Variants in TSPAN14 observed in about 807,000 individuals in gnomAD.
The protein encoded by TSPAN14 is tetraspanin 14.
TSPAN14 carries 16 observed loss-of-function variants against 36.6 expected under a neutral mutation model. That is an observed-to-expected ratio of 0.44 (90% CI 0.30 to 0.66). The LOEUF is 0.66. TSPAN14 is among the 30% of genes least tolerant of loss of function. The pLI, the probability that TSPAN14 is intolerant of heterozygous loss-of-function variation, is 0.12. For missense variants in TSPAN14, 231 were observed against 355.1 expected (o/e 0.65, Z 2.81); for synonymous variants, 139 against 143.8 (o/e 0.97, Z 0.24).
chr10:80,497,850 A>G (rs1420988920), intron 2 of TSPAN14, among the ~76,000 whole-genome samples: 1 of 149,908 alleles, frequency 6.7e-6, no homozygotes, highest in Non-Finnish European at 1.5e-5. Flanking sequence ...CTCTGCTGGG[A>G]GGGCACATGT....
chr10:80,488,564 G>A (rs1434706722), intron 1 of TSPAN14, among the ~76,000 whole-genome samples: 2 of 152,312 alleles, frequency 1.3e-5, no homozygotes, highest in East Asian at 3.9e-4. Flanking sequence ...GGGAGCAGGG[G>A]GATGGCTGCT....
chr10:80,500,132 C>G (rs1019653627), intron 2 of TSPAN14, among the ~76,000 whole-genome samples: 1 of 152,088 alleles, frequency 6.6e-6, no homozygotes, highest in African/African-American at 2.4e-5. Flanking sequence ...CTTCCCCTGT[C>G]TAGTCCTCCC....
chr10:80,502,233 G>A (rs1169099372), intron 2 of TSPAN14, among the ~76,000 whole-genome samples: 1 of 152,224 alleles, frequency 6.6e-6, no homozygotes, highest in African/African-American at 2.4e-5. Context: ...GTTGGAGCAG[G>A]GAGGTGGGAA....
chr10:80,456,790 T>C (rs753532494), intron 1 of TSPAN14, among the ~76,000 whole-genome samples: 6 of 152,204 alleles, frequency 3.9e-5, no homozygotes, highest in Non-Finnish European at 7.3e-5. Context: ...TGGCTGGGCG[T>C]GATGGCTCAT....
At chr10:80,456,456 C>T (rs1386759774) in intron 1 of TSPAN14, among the ~76,000 whole-genome samples, 1 of 152,158 alleles carries the variant, frequency 6.6e-6, no homozygotes, top group Non-Finnish European at 1.5e-5. Flanking sequence ...GATGGCTCTG[C>T]CCTGAAGGTT....
At chr10:80,482,056 A>G (rs1847308824) in intron 1 of TSPAN14, among the ~76,000 whole-genome samples, 1 of 152,162 alleles carries the variant, frequency 6.6e-6, no homozygotes, top group Non-Finnish European at 1.5e-5. Context: ...CTCAGCCTAC[A>G]TGCAGACAGT....
exon 9 of TSPAN14, chr10:80,521,068 C>T (rs1841244696): frequency 3.1e-6 from 1 of 319,266 alleles, no homozygotes; most frequent in South Asian, 2.6e-5. Flanking sequence ...TTAATGGATG[C>T]ACAACCTTCC....
chr10:80,498,674 T>C (rs745746256), intron 2 of TSPAN14, among the ~76,000 whole-genome samples: 3 of 152,204 alleles, frequency 2.0e-5, no homozygotes, highest in African/African-American at 4.8e-5. Flanking sequence ...TGGCATATCC[T>C]TGAACGCCCC....
At chr10:80,464,504 A>G (rs1030195817) in intron 1 of TSPAN14, among the ~76,000 whole-genome samples, 3 of 152,136 alleles carry the variant, frequency 2.0e-5, no homozygotes, top group African/African-American at 4.8e-5. Flanking sequence ...TCACTGCCCC[A>G]TGCCAGGGCA....
At chr10:80,476,001 T>C (rs2131982943) in intron 1 of TSPAN14, among the ~76,000 whole-genome samples, 1 of 152,320 alleles carries the variant, frequency 6.6e-6, no homozygotes, top group South Asian at 2.1e-4. Context: ...TAAAATGGTG[T>C]AGTATTTGCA....
chr10:80,504,818 C>T (rs1840197598), intron 3 of TSPAN14, 40 bp downstream of exon 3: 1 of 1,611,386 alleles, frequency 6.2e-7, no homozygotes, highest in African/African-American at 1.3e-5. Context: ...TTCAGGCAGC[C>T]AAAACCAGAT....
chr10:80,518,291 C>G, exon 9 of TSPAN14: 2 of 420,464 alleles, frequency 4.8e-6, no homozygotes, highest in African/African-American at 2.0e-5. Flanking sequence ...TGACTCAGAC[C>G]CCCTGCAGCT....
At chr10:80,486,834 A>T (rs931494206) in intron 1 of TSPAN14, among the ~76,000 whole-genome samples, 20 of 152,166 alleles carry the variant, frequency 1.3e-4, no homozygotes, top group Middle Eastern at 3.4e-3. Context: ...TAGGTTAAAA[A>T]TTTTTTTTCA....
chr10:80,515,396 G>C (rs1029383158), intron 7 of TSPAN14: 2 of 152,278 alleles, frequency 1.3e-5, no homozygotes, highest in African/African-American at 2.4e-5. Context: ...TCTGTGTCCT[G>C]ATCTCCTCCT....
chr10:80,512,022 T>C, intron 5 of TSPAN14, 122 bp from the exon 6 acceptor site: 7 of 1,491,428 alleles, frequency 4.7e-6, no homozygotes, highest in Non-Finnish European at 6.4e-6. Context: ...GGGCGGGCCT[T>C]GATTTCTCTG....
chr10:80,465,617 C>T (rs187363277), intron 1 of TSPAN14, among the ~76,000 whole-genome samples: 454 of 152,332 alleles, frequency 3.0e-3, no homozygotes, highest in South Asian at 6.8e-3. Flanking sequence ...AAGATAGTGA[C>T]ACCTACAGTG....
intron 1 of TSPAN14, among the ~76,000 whole-genome samples, chr10:80,459,677 C>T (rs1257525541): frequency 1.3e-5 from 2 of 152,184 alleles, no homozygotes; most frequent in South Asian, 2.1e-4. Flanking sequence ...AGCTGTTGGG[C>T]CTGTGCTCCT....
chr10:80,456,458 C>G (rs1158634113), intron 1 of TSPAN14, among the ~76,000 whole-genome samples: 1 of 152,168 alleles, frequency 6.6e-6, no homozygotes, highest in Admixed American at 6.5e-5. Context: ...TGGCTCTGCC[C>G]TGAAGGTTGT....
chr10:80,504,527 G>A (rs1342580733), intron 2 of TSPAN14, among the ~76,000 whole-genome samples: 3 of 152,240 alleles, frequency 2.0e-5, no homozygotes, highest in South Asian at 4.1e-4. Flanking sequence ...GGGGCATAGG[G>A]TCATCTGAGG....
Sources: allele counts gnomAD v4.1 joint callset (sites outside exome capture counted in the v4.1 genomes callset), GRCh38; gene constraint gnomAD v4.1.1; transcripts MANE v1.5; gene names NCBI Gene and HGNC (gene_info 2026-07-23, HGNC 2026-07-21).